The following GFOD1 variants were observed in gnomAD, a reference collection of about 807,000 sequenced individuals.
GFOD1 encodes glucose-fructose oxidoreductase domain-containing protein 1.
A neutral mutation model predicts 25.4 loss-of-function variants in GFOD1; 9 were observed. That is an observed-to-expected ratio of 0.35 (90% CI 0.21 to 0.62). GFOD1 has a LOEUF of 0.62. GFOD1 is among the 20% of genes least tolerant of loss of function. The probability of loss-of-function intolerance (pLI) is 0.72; values close to 1 mark genes in which losing one functional copy is unlikely to be tolerated. For missense variants in GFOD1, 403 were observed against 556.9 expected, an observed-to-expected ratio of 0.72 and a Z score of 2.78; for synonymous variants, 253 against 245.6, an observed-to-expected ratio of 1.03 and a Z score of -0.28.
rs1757836900 is a variant in GFOD1, at chr6:13,436,627, G to A, written c.253+50011C>T. On this transcript the variant is annotated intron_variant, in intron 1 of 1. Transcript: ENST00000379287. ...CACATATGGTGTTTCCAGTTATTCA[G>A]TATTATAACCAATGCTGCAATAAAT... Among the ~76,000 whole-genome samples the A allele has an allele frequency of 2.0e-5, 3 of 152,154 alleles. No individual in the cohort carries two copies. The South Asian group carries it at 6.2e-4, about 32-fold the overall frequency.
At chr6:13,415,375 G>C (rs547661107) in intron 1 of GFOD1, among the ~76,000 whole-genome samples, 2 of 152,222 alleles carry the variant, frequency 1.3e-5, no homozygotes, top group African/African-American at 4.8e-5. Context: ...CCCTTCTGAG[G>C]GAGGGCACTG....
rs1262995365 is a variant in GFOD1, at chr6:13,486,666, G to A, written c.225C>T (p.Leu75=). ...DLVCINLPPP[L]TRQIAVKTLG... is the part of the protein sequence containing the mutation. Reference sequence around the variant, plus strand: ...GGGTTTTGACAGCGATCTGTCTGGTGAGGGGCGGCGGCAGGTTAATGCACA... The same window carrying A: ...GGGTTTTGACAGCGATCTGTCTGGTAAGGGGCGGCGGCAGGTTAATGCACA... Residue 75 remains leucine, a synonymous_variant, in exon 1 of 2, where the codon CTC becomes CTT. Transcript: ENST00000379287. 6.2e-7 allele frequency: 1 copy of A among 1,614,054 alleles called. No homozygotes were observed. The highest frequency in any genetic ancestry group is 8.5e-7 in the Non-Finnish European group (1 of 1,180,034).
intron 1 of GFOD1, among the ~76,000 whole-genome samples, chr6:13,412,770 T>C (rs1407243436): frequency 6.6e-6 from 1 of 152,246 alleles, no homozygotes; most frequent in Non-Finnish European, 1.5e-5. Flanking sequence ...CCCTGTGCTC[T>C]GAGCACTTCC....
At chr6:13,372,843 C>T (rs376002164) in intron 1 of GFOD1, among the ~76,000 whole-genome samples, 5 of 152,198 alleles carry the variant, frequency 3.3e-5, no homozygotes, top group African/African-American at 4.8e-5. Flanking sequence ...CTACTTTCCA[C>T]GAGTTCCTCC....
At position 13,408,646 on chromosome 6, in the gene GFOD1, G is replaced by A. The variant is rs551468310; in HGVS notation, c.254-42984C>T. Among the ~76,000 whole-genome samples the A allele has an allele frequency of 6.6e-4, 100 of 152,282 alleles. 3 individuals are homozygous for A. The South Asian group carries it at 0.018, about 27-fold the overall frequency. On this transcript the variant is annotated intron_variant, in intron 1 of 1. Transcript: ENST00000379287. Reference sequence around the variant, plus strand: ...ATGCCCGGGCCCCTCTACCTTTAGCGATTTCATGTCCGAAGGTACTCTGTG... The same window carrying A: ...ATGCCCGGGCCCCTCTACCTTTAGCAATTTCATGTCCGAAGGTACTCTGTG...
intron 1 of GFOD1, among the ~76,000 whole-genome samples, chr6:13,402,492 A>G (rs1225575019): frequency 2.6e-5 from 4 of 152,248 alleles, no homozygotes; most frequent in Non-Finnish European, 5.9e-5. Context: ...TAAGAAGAAG[A>G]CAACTCAAAT....
rs538918847 is a variant in GFOD1, at chr6:13,402,095, G to A, written c.254-36433C>T. 3.9e-5 allele frequency among the ~76,000 whole-genome samples: 6 copies of A among 152,294 alleles called. No individual in the cohort carries two copies. The East Asian group carries it at 5.8e-4, about 15-fold the overall frequency. On this transcript the variant is annotated intron_variant, in intron 1 of 1. Transcript: ENST00000379287. ...CAAAAAATTCAATGGGAAAAGAATCGTCTTTTTAACAAGTGGTGCTAGAAC... is the reference window on the plus strand; with the variant it reads ...CAAAAAATTCAATGGGAAAAGAATCATCTTTTTAACAAGTGGTGCTAGAAC...
In GFOD1 at chr6:13,487,109, C is replaced by A. The variant is rs1369025939; in HGVS notation, c.-219G>T. The A allele has an allele frequency of 1.8e-5, 9 of 511,964 alleles. No homozygotes were observed. The highest frequency in any genetic ancestry group is 3.4e-6 in the Non-Finnish European group (1 of 298,194). 31.7% of individuals were successfully genotyped at this position (511,964 alleles called of 1,614,324 possible). A position where few individuals can be genotyped will look rare whatever the true frequency, so the allele number is the denominator to read the frequency against. On this transcript the variant is annotated 5_prime_UTR_variant, in exon 1 of 2. Coordinates refer to ENST00000379287, the MANE Select transcript of GFOD1 (RefSeq NM_018988.4). This position sits in a 1 kb window ranked among gnomAD's most constrained non-coding sequence, Gnocchi z 4.9. ...TCAGAACGGTGACTGCGGCAGTGTC[C>A]GCCACGCGGGGCTCGCGTCCTTCCC...
intron 1 of GFOD1, among the ~76,000 whole-genome samples, chr6:13,428,409 C>T (rs572726451): frequency 1.3e-3 from 193 of 152,222 alleles, no homozygotes; most frequent in Non-Finnish European, 1.8e-3. Context: ...AAAGCCGAGG[C>T]GGGAGGAGGG....
At chr6:13,451,839 G>A (rs994039396) in intron 1 of GFOD1, among the ~76,000 whole-genome samples, 10 of 152,310 alleles carry the variant, frequency 6.6e-5, no homozygotes, top group African/African-American at 2.2e-4. Flanking sequence ...TCATGTGTGT[G>A]TTCCATGTCA....
chr6:13,388,253 G>A (rs1696710564), intron 1 of GFOD1, among the ~76,000 whole-genome samples: 1 of 152,116 alleles, frequency 6.6e-6, no homozygotes, highest in Non-Finnish European at 1.5e-5. Context: ...CACAGGATTG[G>A]AAAAAACTAC....
chr6:13,428,147 A>G (rs1562216111), intron 1 of GFOD1, among the ~76,000 whole-genome samples: 2 of 152,146 alleles, frequency 1.3e-5, no homozygotes, highest in South Asian at 4.1e-4. Flanking sequence ...CGTCTTTTCT[A>G]TCAACCATGT....
chr6:13,465,744 C>A (rs1371819163), intron 1 of GFOD1, among the ~76,000 whole-genome samples: 1 of 152,050 alleles, frequency 6.6e-6, no homozygotes, highest in Non-Finnish European at 1.5e-5. Flanking sequence ...GCTGAGGGAC[C>A]CCTGTTAAGG....
At chr6:13,440,893 G>A (rs1490719101) in intron 1 of GFOD1, among the ~76,000 whole-genome samples, 3 of 152,100 alleles carry the variant, frequency 2.0e-5, no homozygotes, top group African/African-American at 7.2e-5. Context: ...ATTCTCCACT[G>A]CTCTTCTCCT....
intron 1 of GFOD1, among the ~76,000 whole-genome samples, chr6:13,387,671 G>A (rs1179039433): frequency 6.6e-6 from 1 of 152,116 alleles, no homozygotes; most frequent in Non-Finnish European, 1.5e-5. Flanking sequence ...ATACTGAATG[G>A]GCACCAACTG....
intron 1 of GFOD1, chr6:13,408,204 G>A: frequency 9.8e-6 from 5 of 508,748 alleles, no homozygotes; most frequent in Non-Finnish European, 1.3e-5. Context: ...ATGTGGCCTT[G>A]GGCCAGACTA....
intron 1 of GFOD1, among the ~76,000 whole-genome samples, chr6:13,466,131 C>T (rs1052459462): frequency 3.3e-5 from 5 of 152,206 alleles, no homozygotes; most frequent in African/African-American, 1.2e-4. Context: ...TGGATACAGG[C>T]AAGTCTCCAC....
chr6:13,374,306 T>TG (rs1785212898), intron 1 of GFOD1, among the ~76,000 whole-genome samples: 2 of 148,976 alleles, frequency 1.3e-5, no homozygotes, highest in Admixed American at 6.7e-5. Context: ...TGTGTGTGTG[T>TG]TTGTTTTTTT....
At chr6:13,397,422 C>T (rs1785754496) in intron 1 of GFOD1, among the ~76,000 whole-genome samples, 1 of 152,260 alleles carries the variant, frequency 6.6e-6, no homozygotes, top group Admixed American at 6.5e-5. Flanking sequence ...GGACTCGGGC[C>T]TGCCGTGAGA....
Sources: allele counts gnomAD v4.1 joint callset (sites outside exome capture counted in the v4.1 genomes callset), GRCh38; gene constraint gnomAD v4.1.1; non-coding constraint Gnocchi (gnomAD v3.1); transcripts MANE v1.5; gene names NCBI Gene and HGNC (gene_info 2026-07-23, HGNC 2026-07-21).